The following MRO variants were observed in gnomAD, a reference collection of about 807,000 sequenced individuals.
MRO encodes the protein maestro.
Under a neutral mutation model 31.0 loss-of-function variants are expected in MRO, and 28 were observed. The observed-to-expected ratio is 0.90, with a 90% CI of 0.67 to 1.24. MRO has a LOEUF of 1.24. Ranked by LOEUF, MRO falls within the 50% of genes most tolerant of loss-of-function variation. The probability of loss-of-function intolerance (pLI) is 0.00; values close to 1 mark genes in which losing one functional copy is unlikely to be tolerated. For missense variants in MRO, 332 were observed against 289.2 expected, an observed-to-expected ratio of 1.15 and a Z score of -1.07; for synonymous variants, 108 against 108.4, an observed-to-expected ratio of 1.00 and a Z score of 0.02.
chr18:50,822,972 C>T (rs1915364019), upstream of MRO, among the ~76,000 whole-genome samples: 1 of 152,028 alleles, frequency 6.6e-6, no homozygotes, highest in Non-Finnish European at 1.5e-5. Context: ...TTGATAAGAG[C>T]CAAGGAGAGG....
upstream of MRO, among the ~76,000 whole-genome samples, chr18:50,822,171 A>G (rs1915325602): frequency 6.6e-6 from 1 of 152,248 alleles, no homozygotes; most frequent in Admixed American, 6.5e-5. Flanking sequence ...CCTTATTGCC[A>G]GAAGTACACT....
upstream of MRO, among the ~76,000 whole-genome samples, chr18:50,824,340 C>T (rs548273445): frequency 1.3e-5 from 2 of 152,088 alleles, no homozygotes; most frequent in African/African-American, 4.8e-5. Context: ...ACTTAGGAGG[C>T]TAAGGCAGGA....
At chr18:50,824,598 G>T (rs147764472), upstream of MRO, among the ~76,000 whole-genome samples, 19,517 of 150,696 alleles carry the variant, frequency 0.13, 1,255 homozygotes, top group Middle Eastern at 0.15. Context: ...GGGACTACAG[G>T]TGCGTGCCAC....
In MRO at chr18:50,819,929, T is replaced by C; in HGVS notation, c.-159A>G. ...TCCCCACGCCATGCTGAGGTGTTTT[T>C]CCTTCTCCTTGCTGTGATTTCCCCT... is the stretch of plus-strand genomic sequence containing the variant. On this transcript the variant is annotated 5_prime_UTR_variant, in exon 1 of 8. Coordinates refer to ENST00000398439, the MANE Select transcript of MRO (RefSeq NM_031939.6). 1 of 1,551,752 alleles carries C rather than the reference T, an allele frequency of 6.4e-7. No homozygotes were observed. Among genetic ancestry groups the C allele is most frequent in the Non-Finnish European group, 8.7e-7 (1 of 1,146,990 alleles).
chr18:50,815,787 A>T, intron 2 of MRO: 1 of 337,614 alleles, frequency 3.0e-6, no homozygotes, highest in East Asian at 8.0e-5. Flanking sequence ...TAATCCCAGC[A>T]CTTTGGGAAG....
intron 2 of MRO, among the ~76,000 whole-genome samples, chr18:50,811,091 T>C (rs1182203116): frequency 6.6e-6 from 1 of 152,122 alleles, no homozygotes; most frequent in Non-Finnish European, 1.5e-5. Flanking sequence ...ATGGTAGCAG[T>C]AACAATTAAA....
Position 50,798,947 on chromosome 18 carries a change from AC to A in MRO, c.*389del, listed in dbSNP as rs2144570282. On this transcript the variant is annotated 3_prime_UTR_variant, in exon 8 of 8. Coordinates refer to ENST00000398439, the MANE Select transcript of MRO (RefSeq NM_031939.6). The stretch of plus-strand genomic sequence containing the variant: ...ACAACAACAACAAAAAAACAAAAAA[AC>A]GCTTAAGGTAACAAGTATTCTCCTA... 1 of 156,974 alleles carries A rather than the reference AC, an allele frequency of 6.4e-6. No homozygotes were observed. The highest frequency in any genetic ancestry group is 6.5e-5 in the Admixed American group (1 of 15,458). The allele number at this position is 156,974 out of a possible 1,614,324, so 9.7% of individuals were successfully genotyped here. A position where few individuals can be genotyped will look rare whatever the true frequency, so the allele number is the denominator to read the frequency against.
intron 3 of MRO, among the ~76,000 whole-genome samples, 142 bp downstream of exon 3, chr18:50,809,144 CAAAAAAAAAAAAAAAA>C (rs61728184): frequency 4.0e-5 from 4 of 99,098 alleles, no homozygotes; most frequent in African/African-American, 1.8e-4. Context: ...GACTCCGTCT[CAAAAAAAAAAAAAAAA>C]AAAAAAAAAA....
rs202080330 is a variant in MRO, at chr18:50,805,384, A to G, written c.247-48T>C. Reference sequence around the variant, plus strand: ...AGTAATAGCACAGGAACTGCTCCCCATAGGTTGAAAAGCAACCCCACATCT... The same window carrying G: ...AGTAATAGCACAGGAACTGCTCCCCGTAGGTTGAAAAGCAACCCCACATCT... On this transcript the variant is annotated intron_variant, in intron 4 of 7. Transcript: ENST00000398439. 406 of 1,546,856 alleles carry G rather than the reference A, an allele frequency of 2.6e-4. No homozygotes were observed. In the Middle Eastern group the frequency reaches 4.0e-3, roughly 15 times the overall value.
In MRO at chr18:50,801,348, C is replaced by A. The variant is rs200350827; in HGVS notation, c.585+1G>T. The A allele has an allele frequency of 4.6e-5, 73 of 1,575,562 alleles. No homozygotes were observed. The highest frequency in any genetic ancestry group is 6.3e-5 in the Non-Finnish European group (73 of 1,157,772). On this transcript the variant is annotated splice_donor_variant, in intron 6 of 7. Transcript: ENST00000398439. LOFTEE classifies it high-confidence loss of function. The stretch of plus-strand genomic sequence containing the variant: ...TGTTGGTTGCAGAGTCAAGGTCTTA[C>A]CTTGGCAACCTGGGGATTTCTGTCC...
Position 50,798,438 on chromosome 18 carries a change from G to A in MRO, c.*899C>T, listed in dbSNP as rs1246687660. 6.6e-6 allele frequency: 1 copy of A among 152,116 alleles called. No individual in the cohort carries two copies. The highest frequency in any genetic ancestry group is 2.1e-4 in the South Asian group (1 of 4,826). The allele number at this position is 152,116 out of a possible 1,614,324, so 9.4% of individuals were successfully genotyped here. A position where few individuals can be genotyped will look rare whatever the true frequency, so the allele number is the denominator to read the frequency against. ...CATCAGTTATTCCATGGAAAGGCAG[G>A]ATGGCATGATTATTGAGTATGGGCT... On this transcript the variant is annotated 3_prime_UTR_variant, in exon 8 of 8. Transcript: ENST00000398439.
rs765568000 is a variant in MRO at position 50,799,374 on chromosome 18, T to C, written c.710A>G (p.Glu237Gly). 13 of 1,614,078 alleles carry C rather than the reference T, an allele frequency of 8.1e-6. No homozygotes were observed. The highest frequency in any genetic ancestry group is 6.7e-5 in the African/African-American group (5 of 75,038). ...ATTTGCGTAGAAGAACTGCAGGATC[T>C]CTGGATGATAGTGGCTCTGAAAGAA... Reference protein sequence around the residue: ...LYQQLSHYHPEILQFFYANKI... With the variant: ...LYQQLSHYHPGILQFFYANKI... The change falls in exon 8 of 8, where the codon GAG (glutamate) becomes GGG (glycine). Residue 237 changes from glutamate (E) to glycine (G), a missense_variant. Transcript: ENST00000398439.
In MRO at chr18:50,799,334, C is replaced by A; in HGVS notation, c.*3G>T. 4 of 1,613,040 alleles carry A rather than the reference C, an allele frequency of 2.5e-6. No individual in the cohort carries two copies. The highest frequency in any genetic ancestry group is 1.3e-5 in the African/African-American group (1 of 75,018). On this transcript the variant is annotated 3_prime_UTR_variant, in exon 8 of 8. Coordinates refer to ENST00000398439, the MANE Select transcript of MRO (RefSeq NM_031939.6). ...ACAGAACCATTTCCCTGCTGCTCTGCGCTTACAGAATTTTATTTGCGTAGA... is the reference window on the plus strand; with the variant it reads ...ACAGAACCATTTCCCTGCTGCTCTGAGCTTACAGAATTTTATTTGCGTAGA...
chr18:50,808,024 T>C (rs1914109920), intron 3 of MRO, among the ~76,000 whole-genome samples: 1 of 152,186 alleles, frequency 6.6e-6, no homozygotes, highest in Non-Finnish European at 1.5e-5. Context: ...GAGGCGAAAG[T>C]TGCAGTGAGC....
intron 2 of MRO, among the ~76,000 whole-genome samples, chr18:50,813,482 A>G (rs574341859): frequency 2.4e-3 from 373 of 152,316 alleles, no homozygotes; most frequent in Non-Finnish European, 4.3e-3. Flanking sequence ...TAAAACACAC[A>G]TTCCCAGGCC....
intron 2 of MRO, chr18:50,814,411 A>G: frequency 6.4e-6 from 1 of 156,174 alleles, no homozygotes; most frequent in South Asian, 1.9e-4. Context: ...CACGGGAATC[A>G]GGGCAGTTGA....
chr18:50,820,879 G>A (rs529770480), upstream of MRO, among the ~76,000 whole-genome samples: 27 of 152,296 alleles, frequency 1.8e-4, no homozygotes, highest in Middle Eastern at 3.4e-3. Context: ...TGTCAGAGTG[G>A]AAGATGAAAG....
Position 50,797,064 on chromosome 18 carries a change from G to A in MRO, c.*2273C>T, listed in dbSNP as rs541675251. 3 of 152,162 alleles carry A rather than the reference G, an allele frequency of 2.0e-5. No individual in the cohort carries two copies. Among genetic ancestry groups the A allele is most frequent in the African/African-American group, 7.2e-5 (3 of 41,418 alleles). The allele number at this position is 152,162 out of a possible 1,614,324, so 9.4% of individuals were successfully genotyped here. A position where few individuals can be genotyped will look rare whatever the true frequency, so the allele number is the denominator to read the frequency against. ...TTGCAGTGTGACAAATTATCCCAAA[G>A]GTTAATGACTTAAAACAACAATCAT... On this transcript the variant is annotated 3_prime_UTR_variant, in exon 8 of 8. Coordinates refer to ENST00000398439, the MANE Select transcript of MRO (RefSeq NM_031939.6).
At position 50,797,789 on chromosome 18, in the gene MRO, C is replaced by T. The variant is rs1912907975; in HGVS notation, c.*1548G>A. The T allele has an allele frequency of 6.6e-6, 1 of 152,206 alleles. No homozygotes were observed. Among genetic ancestry groups the T allele is most frequent in the South Asian group, 2.1e-4 (1 of 4,828 alleles). 9.4% of individuals were successfully genotyped at this position (152,206 alleles called of 1,614,324 possible). ...AGGGAGGGGCAGGGGGCTTACAGCT[C>T]AGAACCACCCATTTGCTCGTGAGCC... On this transcript the variant is annotated 3_prime_UTR_variant, in exon 8 of 8. Coordinates refer to ENST00000398439, the MANE Select transcript of MRO (RefSeq NM_031939.6).
Sources: gnomAD v4.1 joint callset for allele counts (sites outside exome capture counted in the v4.1 genomes callset) on GRCh38, gnomAD v4.1.1 for gene constraint, MANE v1.5 for transcripts, NCBI Gene and HGNC (gene_info 2026-07-23, HGNC 2026-07-21) for gene names.